Variants in ATXN1 observed in about 807,000 individuals in gnomAD.
ATXN1 encodes the protein ataxin-1.
Under a neutral mutation model 56.4 loss-of-function variants are expected in ATXN1, and 8 were observed. That is an observed-to-expected ratio of 0.14 (90% confidence interval 0.08 to 0.26). The LOEUF is 0.26. Among genes scored for constraint, ATXN1 ranks in the 10% least tolerant of loss-of-function variants. ATXN1 has a pLI of 1.00. For synonymous variants in ATXN1, 514 were observed against 494.6 expected (o/e 1.04, Z -0.52); for missense variants, 987 against 1,106.5 (o/e 0.89, Z 1.53).
chr6:16,350,328 AT>A (rs1487040444), intron 6 of ATXN1, among the ~76,000 whole-genome samples: 1 of 152,250 alleles, frequency 6.6e-6, no homozygotes, highest in East Asian at 1.9e-4. Context: ...AATGCCTAGC[AT>A]AAGAAAAAAA....
chr6:16,428,161 C>G (rs1283549771), intron 6 of ATXN1, among the ~76,000 whole-genome samples: 1 of 150,578 alleles, frequency 6.6e-6, no homozygotes, highest in Non-Finnish European at 1.5e-5. Context: ...TCTTGTCACC[C>G]AGGCTGGAGT....
intron 3 of ATXN1, among the ~76,000 whole-genome samples, chr6:16,655,551 CA>C (rs1190061581): frequency 1.3e-5 from 2 of 151,994 alleles, no homozygotes; most frequent in African/African-American, 4.8e-5. Flanking sequence ...AAAGAGAGAC[CA>C]GTCAGCGAAG....
intron 3 of ATXN1, among the ~76,000 whole-genome samples, chr6:16,586,542 T>C (rs1561767677): frequency 6.6e-6 from 1 of 152,232 alleles, no homozygotes. Context: ...CACTGCAGTC[T>C]GTGAGGTGGC....
chr6:16,745,933 C>CATGT lies in ATXN1; in HGVS notation c.-615+7299_-615+7300insACAT, dbSNP rs1345781976. ...TTCAGCTCTTAAATGCTATGCCTTC[C>CATGT]GTGTGTGTGTGTGTGTGTGTGTGTG... On this transcript the variant is annotated intron_variant, in intron 2 of 7. Transcript: ENST00000436367. 3.7e-3 allele frequency among the ~76,000 whole-genome samples: 550 copies of CATGT among 147,234 alleles called. 1 individual carries two copies. The highest frequency in any genetic ancestry group is 5.5e-3 in the Non-Finnish European group (369 of 66,768).
chr6:16,487,477 GAA>G (rs998555775), intron 5 of ATXN1, among the ~76,000 whole-genome samples: 26 of 152,196 alleles, frequency 1.7e-4, no homozygotes, highest in African/African-American at 6.3e-4. Context: ...AATTGGGACA[GAA>G]GAGAGAAAGG....
chr6:16,697,815 C>T (rs1759196093), intron 2 of ATXN1, among the ~76,000 whole-genome samples: 1 of 152,132 alleles, frequency 6.6e-6, no homozygotes, highest in Non-Finnish European at 1.5e-5. Context: ...TTCACAGCAC[C>T]TAAGTTCAAA....
chr6:16,396,376 G>A (rs974948952), intron 6 of ATXN1, among the ~76,000 whole-genome samples: 3 of 151,990 alleles, frequency 2.0e-5, no homozygotes, highest in African/African-American at 7.3e-5. Flanking sequence ...GCCCGGGTGC[G>A]CGAAACCAGC....
chr6:16,342,215 C>T (rs889198295), intron 6 of ATXN1, among the ~76,000 whole-genome samples: 6 of 152,078 alleles, frequency 3.9e-5, no homozygotes, highest in Non-Finnish European at 7.4e-5. Context: ...GCAGCCAATC[C>T]TTTTCCCCAC....
At chr6:16,482,543 G>A (rs1240588231) in intron 6 of ATXN1, among the ~76,000 whole-genome samples, 1 of 152,176 alleles carries the variant, frequency 6.6e-6, no homozygotes, top group Non-Finnish European at 1.5e-5. Flanking sequence ...AGAAGCTTAG[G>A]AATGAAATAT....
At chr6:16,711,075 T>C (rs371255556) in intron 2 of ATXN1, among the ~76,000 whole-genome samples, 1 of 152,134 alleles carries the variant, frequency 6.6e-6, no homozygotes, top group Admixed American at 6.5e-5. Context: ...CAAGACAATA[T>C]AGTATTGACC....
intron 6 of ATXN1, among the ~76,000 whole-genome samples, chr6:16,329,669 C>T (rs1339961090): frequency 6.6e-6 from 1 of 152,230 alleles, no homozygotes; most frequent in African/African-American, 2.4e-5. Context: ...CCCCTTCACA[C>T]CGTCCCCTTT....
chr6:16,506,583 G>C lies in ATXN1; in HGVS notation c.-299+16044C>G, dbSNP rs757929122. Reference sequence around the variant, plus strand: ...AATCCATTTACATGATGAATTCAATGATATATTATAATGTCTTGTTCAGAA... The same window carrying C: ...AATCCATTTACATGATGAATTCAATCATATATTATAATGTCTTGTTCAGAA... On this transcript the variant is annotated intron_variant, in intron 5 of 7. Coordinates refer to ENST00000436367, the MANE Select transcript of ATXN1 (RefSeq NM_001128164.2). This position sits in a 1 kb window ranked among gnomAD's most constrained non-coding sequence, Gnocchi z 4.1. Among the ~76,000 whole-genome samples the C allele has an allele frequency of 1.3e-5, 2 of 152,182 alleles. No individual in the cohort carries two copies. The highest frequency in any genetic ancestry group is 2.9e-5 in the Non-Finnish European group (2 of 68,034).
chr6:16,347,932 A>G (rs1226449891), intron 6 of ATXN1, among the ~76,000 whole-genome samples: 5 of 152,174 alleles, frequency 3.3e-5, no homozygotes, highest in Non-Finnish European at 5.9e-5. Context: ...TTGGATCTAT[A>G]CTGCCTGTAT....
chr6:16,434,871 A>T (rs1232816391), intron 6 of ATXN1, among the ~76,000 whole-genome samples: 1 of 152,234 alleles, frequency 6.6e-6, no homozygotes, highest in Non-Finnish European at 1.5e-5. Context: ...AATGTTGTCA[A>T]AGAAAAGAAC....
At position 16,606,320 on chromosome 6, in the gene ATXN1, G is replaced by A. The variant is rs965895270; in HGVS notation, c.-488-20413C>T. On this transcript the variant is annotated intron_variant, in intron 3 of 7. Coordinates refer to ENST00000436367, the MANE Select transcript of ATXN1 (RefSeq NM_001128164.2). ...GTGCTGCTAAGAAAGCCTCACCTGC[G>A]AACACATGTGATGGGTACCTGGATG... Among the ~76,000 whole-genome samples, 7 of 152,016 alleles carry A rather than the reference G, an allele frequency of 4.6e-5. 1 individual carries two copies. The highest frequency in any genetic ancestry group is 9.7e-5 in the African/African-American group (4 of 41,368).
At chr6:16,498,630 T>C (rs1760821752) in intron 5 of ATXN1, among the ~76,000 whole-genome samples, 1 of 152,218 alleles carries the variant, frequency 6.6e-6, no homozygotes. Flanking sequence ...TTACCATTTT[T>C]TCCACAAGCT....
chr6:16,456,976 AT>A (rs943448409), intron 6 of ATXN1, among the ~76,000 whole-genome samples: 1 of 152,144 alleles, frequency 6.6e-6, no homozygotes, highest in Non-Finnish European at 1.5e-5. Flanking sequence ...TATCCTTCCT[AT>A]TCATATGATA....
At chr6:16,595,059 A>C (rs1425082822) in intron 3 of ATXN1, among the ~76,000 whole-genome samples, 1 of 152,198 alleles carries the variant, frequency 6.6e-6, no homozygotes, top group Non-Finnish European at 1.5e-5. Context: ...GCGTACATGA[A>C]GTGCCAGGGG....
At chr6:16,615,842 G>A (rs925846035) in intron 3 of ATXN1, 1 of 151,730 alleles carries the variant, frequency 6.6e-6, no homozygotes, top group Non-Finnish European at 1.5e-5. Context: ...AGACCAGCCT[G>A]GTGAACATGG....
Sources: gnomAD v4.1 joint callset for allele counts (sites outside exome capture counted in the v4.1 genomes callset) on GRCh38, gnomAD v4.1.1 for gene constraint, Gnocchi (gnomAD v3.1) non-coding constraint, MANE v1.5 for transcripts, NCBI Gene and HGNC (gene_info 2026-07-23, HGNC 2026-07-21) for gene names.